Variants in GPHN observed in about 807,000 individuals in gnomAD.
GPHN encodes gephyrin.
A neutral mutation model predicts 95.5 loss-of-function variants in GPHN; 17 were observed. That is an observed-to-expected ratio of 0.18 (90% CI 0.12 to 0.27). The LOEUF is 0.27. Ranked by LOEUF, GPHN falls within the 10% of genes least tolerant of loss-of-function variation. The pLI is 1.00. For missense variants in GPHN, 660 were observed against 978.1 expected, an observed-to-expected ratio of 0.67 and a Z score of 4.34; for synonymous variants, 320 against 322.5, an observed-to-expected ratio of 0.99 and a Z score of 0.08.
At chr14:66,809,270 G>T (rs1489037949) in intron 3 of GPHN, among the ~76,000 whole-genome samples, 5 of 152,040 alleles carry the variant, frequency 3.3e-5, no homozygotes. Context: ...GAAAGTACTG[G>T]GGGTATATCA....
At chr14:66,755,447 A>C (rs1451503083) in intron 2 of GPHN, among the ~76,000 whole-genome samples, 1 of 152,130 alleles carries the variant, frequency 6.6e-6, no homozygotes, top group African/African-American at 2.4e-5. Context: ...AATAATAGAC[A>C]GTTCCTCAGA....
the GPHN span, among the ~76,000 whole-genome samples, chr14:67,465,543 T>G: frequency 6.6e-6 from 1 of 152,172 alleles, no homozygotes. Context: ...CAGGTACAGG[T>G]ATATCTTGGG....
At chr14:66,708,517 T>G (rs183271224) in intron 2 of GPHN, among the ~76,000 whole-genome samples, 2 of 152,188 alleles carry the variant, frequency 1.3e-5, no homozygotes, top group Admixed American at 6.5e-5. Flanking sequence ...CCAACCATTT[T>G]CTGGACATGA....
chr14:67,552,745 C>A, the GPHN span, among the ~76,000 whole-genome samples: 1 of 146,708 alleles, frequency 6.8e-6, no homozygotes, highest in Admixed American at 6.9e-5. Flanking sequence ...CCAGCCTGGG[C>A]GACAGAGCAA....
At chr14:66,660,600 CTTTTA>C (rs1159041162) in intron 1 of GPHN, among the ~76,000 whole-genome samples, 2 of 151,912 alleles carry the variant, frequency 1.3e-5, no homozygotes, top group Non-Finnish European at 1.5e-5. Context: ...GTTCACAGTT[CTTTTA>C]TTTAAGCACT....
chr14:67,342,778 T>C, the GPHN span, among the ~76,000 whole-genome samples: 208 of 151,804 alleles, frequency 1.4e-3, no homozygotes, highest in African/African-American at 4.7e-3. Context: ...AGCATTAATA[T>C]AGAAATTCCC....
At chr14:67,539,470 G>T in the GPHN span, among the ~76,000 whole-genome samples, 108 of 152,266 alleles carry the variant, frequency 7.1e-4, no homozygotes, top group African/African-American at 2.5e-3. Flanking sequence ...GCCTTTCTCT[G>T]CAGGTCTTAT....
chr14:66,707,786 A>ATAAT (rs112849456), intron 2 of GPHN, among the ~76,000 whole-genome samples: 51,693 of 151,698 alleles, frequency 0.34, 13,295 homozygotes, highest in African/African-American at 0.7. Flanking sequence ...AGAACTTAAA[A>ATAAT]TAATGTAATT....
rs1283394842 is a variant in GPHN at position 66,986,351 on chromosome 14, C to T, written c.963+21026C>T. ...TTTTTTAAATTTCAAAAAACTGATA[C>T]AACAATCAACAGAACCAGATACATA... On this transcript the variant is annotated intron_variant, in intron 9 of 22. Transcript: ENST00000478722. Among the ~76,000 whole-genome samples, 12 of 152,088 alleles carry T rather than the reference C, an allele frequency of 7.9e-5. No homozygotes were observed. The East Asian group carries it at 2.1e-3, about 27-fold the overall frequency.
chr14:67,631,872 C>G, the GPHN span, among the ~76,000 whole-genome samples: 4 of 151,876 alleles, frequency 2.6e-5, no homozygotes, highest in Non-Finnish European at 4.4e-5. Flanking sequence ...ACCCAAAGCT[C>G]TATTTTTTTA....
the GPHN span, chr14:67,722,372 G>A: frequency 5.4e-6 from 3 of 553,392 alleles, no homozygotes; most frequent in Non-Finnish European, 9.7e-6. Flanking sequence ...CATTCTCTTT[G>A]CCAGTAAACC....
chr14:66,766,229 C>G (rs1186648559), intron 2 of GPHN, among the ~76,000 whole-genome samples: 1 of 152,012 alleles, frequency 6.6e-6, no homozygotes, highest in East Asian at 1.9e-4. Context: ...AGTTGAAATT[C>G]CAGGAAATTC....
chr14:67,347,481 T>TCA, the GPHN span: 1 of 1,550,166 alleles, frequency 6.5e-7, no homozygotes, highest in African/African-American at 1.4e-5. Context: ...ATACATGGAT[T>TCA]CATAAACCTT....
At chr14:66,620,487 T>G (rs1226807696) in intron 1 of GPHN, among the ~76,000 whole-genome samples, 1 of 152,100 alleles carries the variant, frequency 6.6e-6, no homozygotes, top group East Asian at 1.9e-4. Context: ...CTCCCATTTT[T>G]AAAACCATCA....
intron 2 of GPHN, chr14:66,760,751 CAT>C (rs939469727): frequency 6.5e-6 from 3 of 463,098 alleles, no homozygotes; most frequent in Admixed American, 2.6e-5. Flanking sequence ...ATTTGAAAAA[CAT>C]AGAAATGAAC....
chr14:66,752,302 A>G (rs1240221992), intron 2 of GPHN, among the ~76,000 whole-genome samples: 1 of 152,148 alleles, frequency 6.6e-6, no homozygotes, highest in African/African-American at 2.4e-5. Context: ...CTTTGTATGC[A>G]CTACTTGGCT....
chr14:67,585,750 A>G, the GPHN span: 2 of 1,059,622 alleles, frequency 1.9e-6, no homozygotes, highest in African/African-American at 3.1e-5. Flanking sequence ...CCAAGTGACC[A>G]TGGCTGCCCT....
At chr14:67,259,559 C>T in the GPHN span, among the ~76,000 whole-genome samples, 1 of 151,842 alleles carries the variant, frequency 6.6e-6, no homozygotes, top group Non-Finnish European at 1.5e-5. Context: ...TTGCAGTGAG[C>T]CAAGATTGAG....
At chr14:66,914,021 T>C (rs2065796149) in intron 5 of GPHN, among the ~76,000 whole-genome samples, 1 of 151,966 alleles carries the variant, frequency 6.6e-6, no homozygotes, top group East Asian at 1.9e-4. Context: ...AAAGAATACA[T>C]AAATCTCTGA....
Sources: gnomAD v4.1 joint callset for allele counts (sites outside exome capture counted in the v4.1 genomes callset) on GRCh38, gnomAD v4.1.1 for gene constraint, MANE v1.5 for transcripts, NCBI Gene and HGNC (gene_info 2026-07-23, HGNC 2026-07-21) for gene names.